Variants in C5orf34 observed in about 807,000 individuals in gnomAD.
C5orf34 encodes uncharacterized protein C5orf34.
Under a neutral mutation model 78.4 loss-of-function variants are expected in C5orf34, and 73 were observed. The ratio of observed to expected loss-of-function variants is 0.93; its 90% CI spans 0.77 to 1.13. C5orf34 has a LOEUF of 1.13. Ranked by LOEUF, C5orf34 falls within the 50% of genes most tolerant of loss-of-function variation. The probability of loss-of-function intolerance (pLI) is 0.00; values close to 1 mark genes in which losing one functional copy is unlikely to be tolerated. For missense variants in C5orf34, 730 were observed against 732.7 expected (o/e 1.00, Z 0.04); for synonymous variants, 251 against 246.6 (o/e 1.02, Z -0.17).
chr5:43,495,833 G>A, intron 6 of C5orf34: 4 of 1,585,584 alleles, frequency 2.5e-6, no homozygotes, highest in Non-Finnish European at 3.5e-6. Context: ...CTTGAGCCAA[G>A]GCATGTTAGC....
rs190913024 is a variant in C5orf34 at position 43,501,243 on chromosome 5, A to G, written c.1152+1129T>C. Among the ~76,000 whole-genome samples the G allele has an allele frequency of 3.5e-4, 53 of 152,296 alleles. 1 individual carries two copies. Among genetic ancestry groups the G allele is most frequent in the African/African-American group, 1.2e-3 (51 of 41,548 alleles). The stretch of plus-strand genomic sequence containing the variant: ...GCATACCTACTCTATTTGCTTGCTC[A>G]CTTGATTGTCTGATGTACTATATAA... On this transcript the variant is annotated intron_variant, in intron 6 of 12. Transcript: ENST00000306862.
chr5:43,513,759 C>T (rs1225661256), intron 1 of C5orf34, among the ~76,000 whole-genome samples: 1 of 152,190 alleles, frequency 6.6e-6, no homozygotes, highest in South Asian at 2.1e-4. Context: ...AAGGTTTCAG[C>T]ACAAATGTAA....
In C5orf34 at chr5:43,492,746, A is replaced by G; in HGVS notation, c.1459T>C (p.Phe487Leu). ...TGTCTCTTCTCAATAGGAGAGCTGA[A>G]ATTCCAATTTAGGGTTAGAGTAATG... ...DGITLTLNWNFSSPIEKRQVN... is the reference protein window; with the variant it reads ...DGITLTLNWNLSSPIEKRQVN... The change falls in exon 9 of 13, where the codon TTC becomes CTC. Residue 487 changes from phenylalanine (F) to leucine (L), a missense_variant. Coordinates refer to ENST00000306862, the MANE Select transcript of C5orf34 (RefSeq NM_198566.4). 1 of 1,612,726 alleles carries G rather than the reference A, an allele frequency of 6.2e-7. No individual in the cohort carries two copies. The highest frequency in any genetic ancestry group is 8.5e-7 in the Non-Finnish European group (1 of 1,179,324).
intron 6 of C5orf34, chr5:43,494,942 G>T (rs1745438306): frequency 1.3e-6 from 1 of 771,978 alleles, no homozygotes; most frequent in Non-Finnish European, 2.1e-6. Context: ...CCTTCTGAAG[G>T]TTTTACGATG....
chr5:43,495,014 T>A, intron 6 of C5orf34: 1 of 1,331,866 alleles, frequency 7.5e-7, no homozygotes, highest in Non-Finnish European at 1.1e-6. Flanking sequence ...AACAAACAGT[T>A]CTGAGACCAT....
rs769407770 is a variant in C5orf34 at position 43,502,480 on chromosome 5, A to G, written c.1044T>C (p.Asn348=). 20 of 1,563,552 alleles carry G rather than the reference A, an allele frequency of 1.3e-5. No individual in the cohort carries two copies. The highest frequency in any genetic ancestry group is 6.8e-5 in the African/African-American group (5 of 73,092). ...CAGAATAAATCTCTATTGAGTTCATATTTTGATGGGTAAGTCTAAGAAATA... is the reference window on the plus strand; with the variant it reads ...CAGAATAAATCTCTATTGAGTTCATGTTTTGATGGGTAAGTCTAAGAAATA... ...KGVTYRLTHQ[N]MNSIEIYSGD... is the part of the protein sequence containing the mutation. Residue 348 remains asparagine, a synonymous_variant, in exon 6 of 13, where the codon AAT becomes AAC. Transcript: ENST00000306862.
At chr5:43,503,087 G>A (rs1157575025) in intron 5 of C5orf34, among the ~76,000 whole-genome samples, 6 of 152,154 alleles carry the variant, frequency 3.9e-5, no homozygotes, top group South Asian at 2.1e-4. Flanking sequence ...GAGCCCCCTC[G>A]CTCTCCAAAA....
Position 43,506,274 on chromosome 5 carries a change from G to C in C5orf34, c.406C>G (p.Leu136Val). 7 of 1,614,152 alleles carry C rather than the reference G, an allele frequency of 4.3e-6. No individual in the cohort carries two copies. The highest frequency in any genetic ancestry group is 5.1e-6 in the Non-Finnish European group (6 of 1,180,022). Residue 136 changes from leucine to valine, a missense_variant, in exon 4 of 13, where the codon CTG becomes GTG. Coordinates refer to ENST00000306862, the MANE Select transcript of C5orf34 (RefSeq NM_198566.4). The part of the protein sequence containing the change: ...TSLDGHAYLC[L>V]PRSQHEFTVH... ...GTAAATTCATGCTGAGATCTGGGCA[G>C]GCAGAGGTATGCATGACCATCTAAA...
chr5:43,494,619 T>C lies in C5orf34; in HGVS notation c.1153-18A>G, dbSNP rs1745421993. ...TCTTCTCTCTGAAAATTAGTTAAAA[T>C]GAAAAATTTCATTAATAATAAATTT... On this transcript the variant is annotated intron_variant, in intron 6 of 12. Transcript: ENST00000306862. 2.7e-6 allele frequency: 4 copies of C among 1,506,124 alleles called. No individual in the cohort carries two copies. The highest frequency in any genetic ancestry group is 3.7e-6 in the Non-Finnish European group (4 of 1,095,046). 93.3% of individuals were successfully genotyped at this position (1,506,124 alleles called of 1,614,324 possible). A position where few individuals can be genotyped will look rare whatever the true frequency, so the allele number is the denominator to read the frequency against.
chr5:43,506,540 A>G (rs1025596015), intron 3 of C5orf34, 146 bp from the exon 4 acceptor site: 1 of 689,112 alleles, frequency 1.5e-6, no homozygotes, highest in Non-Finnish European at 2.3e-6. Flanking sequence ...GGAGGGCCAG[A>G]TCTCAGCCTA....
intron 9 of C5orf34, 30 bp from the exon 10 acceptor site, chr5:43,492,339 T>A (rs754829101): frequency 2.8e-6 from 4 of 1,404,658 alleles, no homozygotes; most frequent in South Asian, 2.4e-5. Context: ...AGTTTTATCA[T>A]TTTAGAACTG....
chr5:43,505,573 A>G, intron 4 of C5orf34, 175 bp downstream of exon 4: 2 of 588,626 alleles, frequency 3.4e-6, no homozygotes, highest in Non-Finnish European at 5.8e-6. Flanking sequence ...GCATGGACAC[A>G]GAGTAAAAAA....
At chr5:43,497,360 A>T (rs562030062) in intron 6 of C5orf34, among the ~76,000 whole-genome samples, 7 of 152,340 alleles carry the variant, frequency 4.6e-5, no homozygotes, top group African/African-American at 1.7e-4. Flanking sequence ...CTTTACATGG[A>T]TTATCTCATT....
intron 5 of C5orf34, among the ~76,000 whole-genome samples, chr5:43,502,910 G>A (rs1037982984): frequency 4.6e-5 from 7 of 152,194 alleles, no homozygotes; most frequent in South Asian, 4.1e-4. Context: ...AAGATTAGCC[G>A]TCTGCACAAG....
At position 43,506,122 on chromosome 5, in the gene C5orf34, T is replaced by C. The variant is rs972655661; in HGVS notation, c.558A>G (p.Leu186=). Residue 186 remains leucine (L), a synonymous_variant, in exon 4 of 13, where the codon TTA becomes TTG. Coordinates refer to ENST00000306862, the MANE Select transcript of C5orf34 (RefSeq NM_198566.4). ...CTTTATTCTTCAGTCTCTGTCCTGGTAAATTTCCACGTATACAGATTTTGC... is the reference window on the plus strand; with the variant it reads ...CTTTATTCTTCAGTCTCTGTCCTGGCAAATTTCCACGTATACAGATTTTGC... ...KTGKICIRGN[L]PGQRLKNKEN... is the part of the protein sequence containing the mutation. The C allele has an allele frequency of 3.0e-5, 49 of 1,614,118 alleles. No individual in the cohort carries two copies. Among genetic ancestry groups the C allele is most frequent in the Non-Finnish European group, 3.9e-5 (46 of 1,180,060 alleles).
At position 43,492,796 on chromosome 5, in the gene C5orf34, T is replaced by G. The variant is rs377598879; in HGVS notation, c.1409A>C (p.Lys470Thr). 38 of 1,613,256 alleles carry G rather than the reference T, an allele frequency of 2.4e-5. No individual in the cohort carries two copies. The highest frequency in any genetic ancestry group is 1.7e-4 in the Middle Eastern group (1 of 6,054). The change falls in exon 9 of 13, where the codon AAA (lysine) becomes ACA (threonine). Residue 470 changes from lysine (K) to threonine (T), a missense_variant. Physicochemically the swap from Lys to Thr is moderately conservative, Grantham distance 78. Transcript: ENST00000306862. Reference protein sequence around the residue: ...VGRFLAYSDDKVHAIFLDGIT... With the variant: ...VGRFLAYSDDTVHAIFLDGIT... ...GCCATCTAAAAAGATAGCATGTACT[T>G]TGTCATCAGAGTAGGCAAGAAATCT...
At chr5:43,495,254 A>G (rs1561209200) in intron 6 of C5orf34, 1 of 1,607,070 alleles carries the variant, frequency 6.2e-7, no homozygotes, top group Non-Finnish European at 8.5e-7. Flanking sequence ...AACCATATCA[A>G]CAATGGCAGC....
At chr5:43,503,477 G>C (rs985661443) in intron 5 of C5orf34, among the ~76,000 whole-genome samples, 188 bp downstream of exon 5, 1 of 152,194 alleles carries the variant, frequency 6.6e-6, no homozygotes, top group African/African-American at 2.4e-5. Context: ...GTGAGTCACA[G>C]GACCCTTGTG....
chr5:43,493,638 A>G (rs1430108113), intron 7 of C5orf34, 26 bp from the exon 8 acceptor site: 2 of 1,356,354 alleles, frequency 1.5e-6, no homozygotes, highest in Non-Finnish European at 2.0e-6. Flanking sequence ...ATACTACTTA[A>G]ACATTTGCAA....
Sources: allele counts gnomAD v4.1 joint callset (sites outside exome capture counted in the v4.1 genomes callset), GRCh38; gene constraint gnomAD v4.1.1; transcripts MANE v1.5; gene names NCBI Gene and HGNC (gene_info 2026-07-23, HGNC 2026-07-21).